Variants in IPPK observed in about 807,000 individuals in gnomAD.
The protein encoded by IPPK is IPK1 homolog.
IPPK carries 22 observed loss-of-function variants against 64.6 expected under a neutral mutation model. The ratio of observed to expected loss-of-function variants is 0.34; its 90% CI spans 0.24 to 0.49. IPPK has a LOEUF of 0.49. Among genes scored for constraint, IPPK ranks in the 20% least tolerant of loss-of-function variants. The probability of loss-of-function intolerance (pLI) is 0.99; values close to 1 mark genes in which losing one functional copy is unlikely to be tolerated. For synonymous variants in IPPK, 262 were observed against 247.2 expected (o/e 1.06, Z -0.56); for missense variants, 532 against 630.7 (o/e 0.84, Z 1.68).
intron 9 of IPPK, among the ~76,000 whole-genome samples, chr9:92,636,655 TTA>T (rs1851948199): frequency 7.7e-6 from 1 of 130,374 alleles, no homozygotes; most frequent in Non-Finnish European, 1.7e-5. Context: ...AATAATTAAT[TTA>T]AAAAAAAAAC....
chr9:92,637,476 G>A (rs1029298496), intron 9 of IPPK, among the ~76,000 whole-genome samples: 1 of 152,206 alleles, frequency 6.6e-6, no homozygotes, highest in African/African-American at 2.4e-5. Flanking sequence ...CTCATGAGAT[G>A]TCAGGACATG....
At position 92,616,062 on chromosome 9, in the gene IPPK, A is replaced by G. The variant is rs1254645693; in HGVS notation, c.1251-5T>C. On this transcript the variant is annotated splice_polypyrimidine_tract_variant and splice_region_variant and intron_variant, in intron 12 of 12. Coordinates refer to ENST00000287996, the MANE Select transcript of IPPK (RefSeq NM_022755.6). The stretch of plus-strand genomic sequence containing the variant: ...ACGACAGGCCTTTGATCAGAGCTGC[A>G]AGTAAAAAGTACCATTTCAGGATAC... The G allele has an allele frequency of 3.1e-6, 5 of 1,606,964 alleles. No individual in the cohort carries two copies. Among genetic ancestry groups the G allele is most frequent in the Non-Finnish European group, 4.3e-6 (5 of 1,174,492 alleles).
At position 92,656,553 on chromosome 9, in the gene IPPK, T is replaced by C; in HGVS notation, c.130-2A>G. On this transcript the variant is annotated splice_acceptor_variant, in intron 2 of 12. Coordinates refer to ENST00000287996, the MANE Select transcript of IPPK (RefSeq NM_022755.6). LOFTEE classifies it high-confidence loss of function. ...GTGTTGAAATATCTCTTCCGAGGTCTGTAAGAGACAACCACAGGACAGCCT... is the reference window on the plus strand; with the variant it reads ...GTGTTGAAATATCTCTTCCGAGGTCCGTAAGAGACAACCACAGGACAGCCT... 6.2e-7 allele frequency: 1 copy of C among 1,600,072 alleles called. No individual in the cohort carries two copies. The highest frequency in any genetic ancestry group is 1.3e-5 in the African/African-American group (1 of 74,712).
At chr9:92,658,934 A>C (rs528909592) in intron 1 of IPPK, among the ~76,000 whole-genome samples, 2 of 152,370 alleles carry the variant, frequency 1.3e-5, no homozygotes, top group East Asian at 3.9e-4. Flanking sequence ...GGAAAGAAAT[A>C]AAATGGAAAT....
At position 92,635,194 on chromosome 9, in the gene IPPK, C is replaced by T. The variant is rs1173441103; in HGVS notation, c.1031G>A (p.Arg344Gln). The T allele has an allele frequency of 6.2e-7, 1 of 1,613,986 alleles. No individual in the cohort carries two copies. Among genetic ancestry groups the T allele is most frequent in the Non-Finnish European group, 8.5e-7 (1 of 1,179,910 alleles). ...AAACTCTTCCAGGTATCGCTCAACC[C>T]GGTTGTACAGAGGGTAGAGGCCTTC... The part of the protein sequence containing the change: ...DIEGLYPLYN[R>Q]VERYLEEFPE... Residue 344 changes from arginine (R) to glutamine (Q), a missense_variant, in exon 10 of 13, where the codon CGG (arginine) becomes CAG (glutamine). Coordinates refer to ENST00000287996, the MANE Select transcript of IPPK (RefSeq NM_022755.6). The surrounding 1 kb of genome is among the most constrained non-coding windows in gnomAD (Gnocchi z 4.4).
At position 92,615,745 on chromosome 9, in the gene IPPK, C is replaced by T; in HGVS notation, c.*87G>A. On this transcript the variant is annotated 3_prime_UTR_variant, in exon 13 of 13. Coordinates refer to ENST00000287996, the MANE Select transcript of IPPK (RefSeq NM_022755.6). Reference sequence around the variant, plus strand: ...GGGTTAAAAGCAAAAACATTCACAACCAAAGGTCACCCAACACAACAGAAA... The same window carrying T: ...GGGTTAAAAGCAAAAACATTCACAATCAAAGGTCACCCAACACAACAGAAA... 1 of 1,145,890 alleles carries T rather than the reference C, an allele frequency of 8.7e-7. No individual in the cohort carries two copies. 71.0% of individuals were successfully genotyped at this position (1,145,890 alleles called of 1,614,324 possible). A position where few individuals can be genotyped will look rare whatever the true frequency, so the allele number is the denominator to read the frequency against.
At chr9:92,669,464 T>C (rs531191822) in intron 1 of IPPK, among the ~76,000 whole-genome samples, 17 of 152,304 alleles carry the variant, frequency 1.1e-4, no homozygotes, top group South Asian at 8.3e-4. Context: ...AACAGCACTG[T>C]GGGCACTCTG....
intron 7 of IPPK, among the ~76,000 whole-genome samples, chr9:92,641,831 G>A (rs1300133702): frequency 6.6e-6 from 1 of 152,208 alleles, no homozygotes; most frequent in African/African-American, 2.4e-5. Context: ...GAAGAAAGAG[G>A]AAAGAAACTC....
intron 1 of IPPK, among the ~76,000 whole-genome samples, chr9:92,667,246 C>T (rs77966113): frequency 0.011 from 1,712 of 152,336 alleles, 24 homozygotes; most frequent in African/African-American, 0.038. Flanking sequence ...GGTCCACCTG[C>T]TCCCACACCC....
intron 12 of IPPK, chr9:92,619,009 G>A: frequency 4.2e-6 from 1 of 240,596 alleles, no homozygotes; most frequent in Non-Finnish European, 8.2e-6. Context: ...GAGAGGGGCG[G>A]CACATAGGCT....
chr9:92,643,347 C>T (rs1438446794), intron 6 of IPPK, among the ~76,000 whole-genome samples: 5 of 152,176 alleles, frequency 3.3e-5, no homozygotes, highest in Non-Finnish European at 4.4e-5. Context: ...ATGTCCACTG[C>T]GGCCTTACTG....
chr9:92,669,956 C>G lies in IPPK; in HGVS notation c.33G>C (p.Trp11Cys). Residue 11 changes from tryptophan to cysteine, a missense_variant, in exon 1 of 13, where the codon TGG becomes TGC. Trp to Cys is a radical substitution (Grantham distance 215). Coordinates refer to ENST00000287996, the MANE Select transcript of IPPK (RefSeq NM_022755.6). Reference sequence around the variant, plus strand: ...TCTTATTGCCCTCTCCGTGGTACCCCCATTCATTCTCGTCCATCTTCCCCT... The same window carrying G: ...TCTTATTGCCCTCTCCGTGGTACCCGCATTCATTCTCGTCCATCTTCCCCT... MEEGKMDENEWGYHGEGNKSL... is the reference protein window; with the variant it reads MEEGKMDENECGYHGEGNKSL... The G allele has an allele frequency of 6.2e-7, 1 of 1,613,306 alleles. No individual in the cohort carries two copies. The highest frequency in any genetic ancestry group is 1.1e-5 in the South Asian group (1 of 91,016).
intron 2 of IPPK, 95 bp downstream of exon 2, chr9:92,658,539 G>A (rs1852418853): frequency 9.7e-7 from 1 of 1,033,624 alleles, no homozygotes; most frequent in South Asian, 1.3e-5. Context: ...ATCTTTGAAT[G>A]CTACAACTAG....
chr9:92,641,899 C>G (rs1852054496), intron 7 of IPPK, among the ~76,000 whole-genome samples: 2 of 152,112 alleles, frequency 1.3e-5, no homozygotes, highest in Admixed American at 1.3e-4. Flanking sequence ...AACAGGGGTC[C>G]CAGGGAGGGA....
intron 1 of IPPK, among the ~76,000 whole-genome samples, chr9:92,661,108 C>T (rs1852473555): frequency 6.6e-6 from 1 of 152,230 alleles, no homozygotes; most frequent in African/African-American, 2.4e-5. Flanking sequence ...CCACGCTACA[C>T]TCCTAAACTC....
intron 1 of IPPK, among the ~76,000 whole-genome samples, chr9:92,662,976 G>A (rs1294351681): frequency 5.9e-5 from 9 of 152,172 alleles, no homozygotes; most frequent in African/African-American, 1.7e-4. Flanking sequence ...AAGTGTGTAC[G>A]AAGACTTTCG....
At chr9:92,666,089 G>T (rs1049021580) in intron 1 of IPPK, among the ~76,000 whole-genome samples, 4 of 152,196 alleles carry the variant, frequency 2.6e-5, no homozygotes, top group African/African-American at 9.7e-5. Context: ...GATCAATTTA[G>T]TTGGCTGGTA....
intron 12 of IPPK, chr9:92,616,674 G>T (rs1439103362): frequency 6.6e-6 from 1 of 152,560 alleles, no homozygotes; most frequent in African/African-American, 2.4e-5. Flanking sequence ...GCTTAGTTTT[G>T]TGGTTTTAAC....
In IPPK at chr9:92,635,054, C is replaced by T; in HGVS notation, c.1067+104G>A. The T allele has an allele frequency of 8.5e-7, 1 of 1,179,206 alleles. No individual in the cohort carries two copies. Among genetic ancestry groups the T allele is most frequent in the Non-Finnish European group, 1.2e-6 (1 of 840,234 alleles). 73.0% of individuals were successfully genotyped at this position (1,179,206 alleles called of 1,614,324 possible). A position where few individuals can be genotyped will look rare whatever the true frequency, so the allele number is the denominator to read the frequency against. On this transcript the variant is annotated intron_variant, in intron 10 of 12. Transcript: ENST00000287996. The surrounding 1 kb of genome is among the most constrained non-coding windows in gnomAD (Gnocchi z 4.4). Reference sequence around the variant, plus strand: ...ACTGGGGTAGGAAGTGGCCGGCATGCTTCATCCTCCTGGGAAGCTGTGCCT... The same window carrying T: ...ACTGGGGTAGGAAGTGGCCGGCATGTTTCATCCTCCTGGGAAGCTGTGCCT...
Sources: allele counts gnomAD v4.1 joint callset (sites outside exome capture counted in the v4.1 genomes callset), GRCh38; gene constraint gnomAD v4.1.1; non-coding constraint Gnocchi (gnomAD v3.1); transcripts MANE v1.5; gene names NCBI Gene and HGNC (gene_info 2026-07-23, HGNC 2026-07-21).